The following CRYBG1 variants were observed in gnomAD, a reference collection of about 807,000 sequenced individuals.
CRYBG1 encodes the protein crystallin beta-gamma domain containing 1, also known as beta/gamma crystallin domain-containing protein 1.
CRYBG1 carries 139 observed loss-of-function variants against 189.2 expected under a neutral mutation model. The ratio of observed to expected loss-of-function variants is 0.73; its 90% CI spans 0.64 to 0.85. The LOEUF (loss-of-function observed/expected upper bound fraction) is 0.85, where lower values mean the gene tolerates loss of function less well. Among genes scored for constraint, CRYBG1 ranks in the 40% least tolerant of loss-of-function variants. CRYBG1 has a pLI of 0.00. For missense variants in CRYBG1, 2,611 were observed against 2,675.8 expected, an observed-to-expected ratio of 0.98 and a Z score of 0.53; for synonymous variants, 1,023 against 1,017.1, an observed-to-expected ratio of 1.01 and a Z score of -0.11.
intron 2 of CRYBG1, among the ~76,000 whole-genome samples, chr6:106,499,643 A>G (rs1232223730): frequency 2.6e-5 from 4 of 152,162 alleles, no homozygotes; most frequent in African/African-American, 7.2e-5. Flanking sequence ...GAAAATTAAC[A>G]TATCCATCAC....
intron 4 of CRYBG1, among the ~76,000 whole-genome samples, chr6:106,523,707 A>G (rs1247281079): frequency 6.7e-6 from 1 of 149,754 alleles, no homozygotes; most frequent in Non-Finnish European, 1.5e-5. Flanking sequence ...GCTTCTGATA[A>G]GGCTCTAGGG....
chr6:106,495,854 C>A (rs988870705), intron 2 of CRYBG1, among the ~76,000 whole-genome samples: 3 of 149,350 alleles, frequency 2.0e-5, no homozygotes, highest in African/African-American at 7.3e-5. Context: ...TCCCCCCTGC[C>A]CCCTTTTCAA....
chr6:106,488,689 G>A (rs1006044022), intron 2 of CRYBG1, among the ~76,000 whole-genome samples: 1 of 152,174 alleles, frequency 6.6e-6, no homozygotes, highest in African/African-American at 2.4e-5. Flanking sequence ...ATCTGCTCAT[G>A]GACTTCCCAC....
At chr6:106,497,861 T>C (rs1022652) in intron 2 of CRYBG1, among the ~76,000 whole-genome samples, 103,711 of 152,126 alleles carry the variant, frequency 0.68, 36,023 homozygotes, top group African/African-American at 0.82. Context: ...GAGGCCGAGG[T>C]GGGCAGATTG....
intron 2 of CRYBG1, among the ~76,000 whole-genome samples, chr6:106,453,004 C>T (rs1321986425): frequency 6.6e-6 from 1 of 152,166 alleles, no homozygotes; most frequent in Non-Finnish European, 1.5e-5. Flanking sequence ...AAGACATTTG[C>T]TTTAGTAATA....
rs1774796790 is a variant in CRYBG1, at chr6:106,563,870, A to T, written c.6245A>T (p.Lys2082Met). 3.1e-6 allele frequency: 5 copies of T among 1,613,660 alleles called. No homozygotes were observed. The East Asian group carries it at 1.1e-4, about 36-fold the overall frequency. Residue 2082 changes from lysine to methionine, a missense_variant, in exon 21 of 22, where the codon AAG becomes ATG. By Grantham distance (95) the Lys-to-Met change is moderately conservative (BLOSUM62 -1). Transcript: ENST00000633556. ...QNADSQFWSLKSDGRIYSKLK... is the reference protein window; with the variant it reads ...QNADSQFWSLMSDGRIYSKLK... ...GCTGACAGCCAGTTCTGGAGCTTGA[A>T]GTCCGATGGCAGGATTTACAGCAAG...
chr6:106,517,633 TCC>T (rs1304854273), intron 3 of CRYBG1, among the ~76,000 whole-genome samples: 1 of 151,750 alleles, frequency 6.6e-6, no homozygotes, highest in African/African-American at 2.4e-5. Context: ...CCCATCCTCA[TCC>T]CTACTTTCCC....
At position 106,543,503 on chromosome 6, in the gene CRYBG1, A is replaced by G. The variant is rs767200590; in HGVS notation, c.4945A>G (p.Ser1649Gly). Residue 1649 changes from serine (S) to glycine (G), a missense_variant, in exon 11 of 22, where the codon AGT (serine) becomes GGT (glycine). Coordinates refer to ENST00000633556, the MANE Select transcript of CRYBG1 (RefSeq NM_001371242.2). ...KCVELETGMC[S>G]FVMEGGETEE... Reference sequence around the variant, plus strand: ...TGTGGAACTAGAAACAGGAATGTGTAGTTTTGTCATGGAGGGAGGTGAAAC... The same window carrying G: ...TGTGGAACTAGAAACAGGAATGTGTGGTTTTGTCATGGAGGGAGGTGAAAC... 6.2e-7 allele frequency: 1 copy of G among 1,614,092 alleles called. No homozygotes were observed. Among genetic ancestry groups the G allele is most frequent in the Non-Finnish European group, 8.5e-7 (1 of 1,179,942 alleles).
chr6:106,496,249 T>C (rs2114501356), intron 2 of CRYBG1, among the ~76,000 whole-genome samples: 1 of 152,334 alleles, frequency 6.6e-6, no homozygotes, highest in South Asian at 2.1e-4. Flanking sequence ...ATAAGACCTA[T>C]TAAACTTTGC....
rs1462069736 is a variant in CRYBG1 at position 106,511,952 on chromosome 6, G to T, written c.835G>T (p.Ala279Ser). ...ETPARSPGEDASPGAGHEQEA... is the reference protein window; with the variant it reads ...ETPARSPGEDSSPGAGHEQEA... ...GCCCGCCCGCAGTCCGGGGGAGGAC[G>T]CTTCACCAGGTGCTGGCCACGAACA... Residue 279 changes from alanine (A) to serine (S), a missense_variant, in exon 3 of 22, where the codon GCT becomes TCT. Physicochemically the swap from Ala to Ser is moderately conservative, Grantham distance 99 (BLOSUM62 1). Coordinates refer to ENST00000633556, the MANE Select transcript of CRYBG1 (RefSeq NM_001371242.2). The T allele has an allele frequency of 1.2e-5, 18 of 1,527,702 alleles. No homozygotes were observed. Among genetic ancestry groups the T allele is most frequent in the Non-Finnish European group, 1.6e-5 (18 of 1,141,830 alleles). 94.6% of individuals were successfully genotyped at this position (1,527,702 alleles called of 1,614,324 possible).
intron 1 of CRYBG1, among the ~76,000 whole-genome samples, chr6:106,383,660 C>T (rs540576133): frequency 6.6e-6 from 1 of 152,206 alleles, no homozygotes; most frequent in African/African-American, 2.4e-5. Flanking sequence ...ATGAACAGAT[C>T]GCTAACAAGG....
intron 1 of CRYBG1, among the ~76,000 whole-genome samples, chr6:106,445,478 C>T (rs9486347): frequency 0.12 from 18,972 of 152,216 alleles, 1,242 homozygotes; most frequent in Middle Eastern, 0.16. Flanking sequence ...CCTTTCATAT[C>T]TGAGCCTGAT....
intron 2 of CRYBG1, among the ~76,000 whole-genome samples, chr6:106,466,309 T>C (rs1231864986): frequency 1.3e-5 from 2 of 152,236 alleles, no homozygotes; most frequent in Non-Finnish European, 2.9e-5. Context: ...GGTCAAAGTA[T>C]ATAAATAAGG....
At chr6:106,482,015 G>A (rs965955146) in intron 2 of CRYBG1, among the ~76,000 whole-genome samples, 20 of 117,652 alleles carry the variant, frequency 1.7e-4, no homozygotes, top group African/African-American at 5.7e-4. Context: ...ATTTATGTGC[G>A]TGATACACTC....
intron 2 of CRYBG1, among the ~76,000 whole-genome samples, chr6:106,459,857 A>G (rs927858572): frequency 6.6e-6 from 1 of 152,192 alleles, no homozygotes; most frequent in Admixed American, 6.5e-5. Flanking sequence ...TGTCCGTTGA[A>G]AAAGGTTTAT....
intron 1 of CRYBG1, among the ~76,000 whole-genome samples, chr6:106,401,597 C>G (rs1287305403): frequency 2.6e-4 from 29 of 113,304 alleles, no homozygotes; most frequent in Non-Finnish European, 5.0e-4. Flanking sequence ...TGATATTCCC[C>G]TTCCTGTGTC....
chr6:106,448,302 A>G (rs1771707829), intron 1 of CRYBG1, among the ~76,000 whole-genome samples: 1 of 152,200 alleles, frequency 6.6e-6, no homozygotes, highest in African/African-American at 2.4e-5. Flanking sequence ...CTCAAGGGGA[A>G]GCAGAGGTTA....
At position 106,482,589 on chromosome 6, in the gene CRYBG1, C is replaced by T. The variant is rs1039191156; in HGVS notation, c.313-28841C>T. ...AGGAGATCGAGACCATCCTGGCTAA[C>T]ACCGTGAAACCCCGTCTCTACTAAA... On this transcript the variant is annotated intron_variant, in intron 2 of 21. Transcript: ENST00000633556. Among the ~76,000 whole-genome samples the T allele has an allele frequency of 2.6e-5, 4 of 152,144 alleles. No individual in the cohort carries two copies. The East Asian group carries it at 7.7e-4, about 29-fold the overall frequency.
At chr6:106,436,319 G>A (rs919834136) in intron 1 of CRYBG1, among the ~76,000 whole-genome samples, 1 of 133,710 alleles carries the variant, frequency 7.5e-6, no homozygotes, top group African/African-American at 2.8e-5. Flanking sequence ...TTTTTTTTGA[G>A]ACGGAGTCTC....
Sources: allele counts gnomAD v4.1 joint callset (sites outside exome capture counted in the v4.1 genomes callset), GRCh38; gene constraint gnomAD v4.1.1; transcripts MANE v1.5; gene names NCBI Gene and HGNC (gene_info 2026-07-23, HGNC 2026-07-21).